PHC2: variants seen among roughly 807,000 people sequenced by gnomAD.
PHC2 encodes polyhomeotic-like protein 2.
Under a neutral mutation model 87.4 loss-of-function variants are expected in PHC2, and 29 were observed. The ratio of observed to expected loss-of-function variants is 0.33; its 90% CI spans 0.25 to 0.45. PHC2 has a LOEUF of 0.45. Among genes scored for constraint, PHC2 ranks in the 20% least tolerant of loss-of-function variants. The pLI is 1.00. For missense variants in PHC2, 857 were observed against 1,136.7 expected, an observed-to-expected ratio of 0.75 and a Z score of 3.54; for synonymous variants, 438 against 461.7, an observed-to-expected ratio of 0.95 and a Z score of 0.66.
intron 1 of PHC2, among the ~76,000 whole-genome samples, chr1:33,427,534 A>G (rs1650728844): frequency 6.6e-6 from 1 of 151,950 alleles, no homozygotes; most frequent in Non-Finnish European, 1.5e-5. Flanking sequence ...TCGGCATCTC[A>G]TGCCACAGTT....
At position 33,332,585 on chromosome 1, in the gene PHC2, C is replaced by T. The variant is rs1646526269; in HGVS notation, c.1762-181G>A. 1.0e-5 allele frequency: 7 copies of T among 695,082 alleles called. No individual in the cohort carries two copies. The highest frequency in any genetic ancestry group is 8.2e-5 in the East Asian group (3 of 36,590). The allele number at this position is 695,082 out of a possible 1,614,324, so 43.1% of individuals were successfully genotyped here. A position where few individuals can be genotyped will look rare whatever the true frequency, so the allele number is the denominator to read the frequency against. ...AGGCCCTATTTTGCTGGTTGGCTCA[C>T]GAGGTAAGATGCTAATGGGCAAAGT... On this transcript the variant is annotated intron_variant, in intron 10 of 14. Transcript: ENST00000683057. This position sits in a 1 kb window ranked among gnomAD's most constrained non-coding sequence, Gnocchi z 4.2.
At chr1:33,328,494 G>T (rs975251405) in intron 14 of PHC2, among the ~76,000 whole-genome samples, 1 of 150,072 alleles carries the variant, frequency 6.7e-6, no homozygotes, top group Non-Finnish European at 1.5e-5. Flanking sequence ...GGGACTATAG[G>T]TGTGAGCCAC....
intron 1 of PHC2, among the ~76,000 whole-genome samples, chr1:33,419,895 CA>C (rs1650364244): frequency 6.6e-6 from 1 of 151,658 alleles, no homozygotes; most frequent in South Asian, 2.1e-4. Context: ...AGGCGTGAGC[CA>C]CCGCGCCCGG....
At chr1:33,336,058 T>C (rs372909600) in intron 9 of PHC2, among the ~76,000 whole-genome samples, 4 of 151,540 alleles carry the variant, frequency 2.6e-5, no homozygotes, top group East Asian at 3.9e-4. Flanking sequence ...GTGCGACCTA[T>C]GCTCACTGCA....
intron 1 of PHC2, among the ~76,000 whole-genome samples, chr1:33,407,067 G>A (rs1649794357): frequency 6.6e-6 from 1 of 152,126 alleles, no homozygotes; most frequent in South Asian, 2.1e-4. Flanking sequence ...TGTTCACTGA[G>A]TTCATAATTT....
intron 1 of PHC2, among the ~76,000 whole-genome samples, chr1:33,405,433 C>T (rs1046822491): frequency 1.3e-5 from 2 of 152,116 alleles, no homozygotes; most frequent in Non-Finnish European, 1.5e-5. Context: ...TCAAGTGATC[C>T]ACCCACCTCA....
intron 9 of PHC2, among the ~76,000 whole-genome samples, chr1:33,338,545 C>T (rs1204442283): frequency 2.6e-5 from 4 of 152,192 alleles, no homozygotes; most frequent in African/African-American, 7.2e-5. Context: ...AACACAATCT[C>T]GCCCCCTGCC....
At chr1:33,328,780 A>C in intron 14 of PHC2, 90 bp downstream of exon 14, 1 of 1,323,072 alleles carries the variant, frequency 7.6e-7, no homozygotes, top group South Asian at 1.4e-5. Context: ...GTCATTAACT[A>C]AACTACCTAA....
chr1:33,426,742 T>C (rs7543937), intron 1 of PHC2, among the ~76,000 whole-genome samples: 3 of 152,078 alleles, frequency 2.0e-5, no homozygotes, highest in South Asian at 2.1e-4. Context: ...CAGCATGACA[T>C]AGCAAGGACT....
intron 1 of PHC2, among the ~76,000 whole-genome samples, chr1:33,406,950 A>G (rs1200242802): frequency 6.6e-6 from 1 of 152,160 alleles, no homozygotes; most frequent in Non-Finnish European, 1.5e-5. Flanking sequence ...CTCTTACCCT[A>G]TCTTGCATAT....
At chr1:33,423,682 A>T (rs1483217279) in intron 1 of PHC2, among the ~76,000 whole-genome samples, 2 of 152,252 alleles carry the variant, frequency 1.3e-5, no homozygotes, top group Non-Finnish European at 1.5e-5. Flanking sequence ...ATTACCCTAT[A>T]CTAAAAAAAT....
At chr1:33,328,375 TAA>T (rs1268570907) in intron 14 of PHC2, among the ~76,000 whole-genome samples, 1 of 111,358 alleles carries the variant, frequency 9.0e-6, no homozygotes, top group African/African-American at 3.4e-5. Flanking sequence ...TTTTCTTAAT[TAA>T]ATTTTTTTTT....
At chr1:33,408,020 G>A (rs189220956) in intron 1 of PHC2, among the ~76,000 whole-genome samples, 16 of 152,278 alleles carry the variant, frequency 1.1e-4, no homozygotes, top group Admixed American at 3.9e-4. Context: ...AGTTTACCTC[G>A]TGGGTTCTTG....
At chr1:33,414,074 G>C (rs1193708897) in intron 1 of PHC2, among the ~76,000 whole-genome samples, 1 of 152,076 alleles carries the variant, frequency 6.6e-6, no homozygotes, top group African/African-American at 2.4e-5. Context: ...TCTAAAAACT[G>C]AGTTGGCAGG....
chr1:33,429,603 T>A (rs376497628), intron 1 of PHC2, among the ~76,000 whole-genome samples: 25 of 152,352 alleles, frequency 1.6e-4, no homozygotes, highest in African/African-American at 5.3e-4. Flanking sequence ...TGCATTCACA[T>A]CTATTATGCT....
chr1:33,335,873 C>A (rs1181005330), intron 9 of PHC2, among the ~76,000 whole-genome samples: 1 of 144,910 alleles, frequency 6.9e-6, no homozygotes, highest in Non-Finnish European at 1.5e-5. Flanking sequence ...CCCCTCCAGC[C>A]TGGGCGACAG....
rs1386320158 is a variant in PHC2, at chr1:33,355,239, G to A, written c.991C>T (p.Gln331Ter). The A allele has an allele frequency of 6.3e-7, 1 of 1,578,166 alleles. No homozygotes were observed. The highest frequency in any genetic ancestry group is 8.6e-7 in the Non-Finnish European group (1 of 1,160,326). ...PLIAPAYAQL[Q>*]PHQLLPQPSS... ...GGCTGTGGGAGGAGCTGGTGTGGCT[G>A]CAGCTGAGCATAGGCTGAAAGGGGA... The change falls in exon 8 of 15, where the codon CAG becomes TAG. Residue 331 changes from glutamine (Q) to a stop codon, truncating the protein, a stop_gained. Coordinates refer to ENST00000683057, the MANE Select transcript of PHC2 (RefSeq NM_001385109.1). LOFTEE classifies it high-confidence loss of function.
rs544547719 is a variant in PHC2, at chr1:33,358,011, C to T, written c.977-2758G>A. 2.0e-5 allele frequency among the ~76,000 whole-genome samples: 3 copies of T among 152,194 alleles called. No individual in the cohort carries two copies. The East Asian group carries it at 5.8e-4, about 29-fold the overall frequency. ...GCTGTGCGGCCTGAGACAAGGTACT[C>T]TTCTTTCTCAGGGCTTCAGAGTTTA... On this transcript the variant is annotated intron_variant, in intron 7 of 14. Transcript: ENST00000683057.
intron 2 of PHC2, among the ~76,000 whole-genome samples, chr1:33,373,800 C>T (rs1198341592): frequency 1.3e-5 from 2 of 152,100 alleles, no homozygotes; most frequent in Admixed American, 6.5e-5. Context: ...GGCCCTGTCC[C>T]GGCGAGCAAG....
Sources: gnomAD v4.1 joint callset for allele counts (sites outside exome capture counted in the v4.1 genomes callset) on GRCh38, gnomAD v4.1.1 for gene constraint, Gnocchi (gnomAD v3.1) non-coding constraint, MANE v1.5 for transcripts, NCBI Gene and HGNC (gene_info 2026-07-23, HGNC 2026-07-21) for gene names.